The following ANK2 variants were observed in gnomAD, a reference collection of about 807,000 sequenced individuals.
The protein encoded by ANK2 is ankyrin 2, also known as ankyrin-2.
ANK2 carries 83 observed loss-of-function variants against 360.5 expected under a neutral mutation model. The ratio of observed to expected loss-of-function variants is 0.23; its 90% CI spans 0.19 to 0.28. ANK2 has a LOEUF of 0.28. ANK2 is among the 10% of genes least tolerant of loss of function. The pLI is 1.00. For missense variants in ANK2, 4,201 were observed against 4,795.7 expected (o/e 0.88, Z 3.66); for synonymous variants, 1,740 against 1,759.5 (o/e 0.99, Z 0.28).
intron 1 of ANK2, among the ~76,000 whole-genome samples, chr4:112,853,289 G>A (rs1337822065): frequency 5.3e-5 from 8 of 151,988 alleles, no homozygotes; most frequent in Admixed American, 5.2e-4. Context: ...GGATGGTCTC[G>A]ATCTCCTGAC....
At chr4:113,119,882 GTTAA>G (rs1187723968) in intron 1 of ANK2, among the ~76,000 whole-genome samples, 4 of 150,698 alleles carry the variant, frequency 2.7e-5, no homozygotes, top group African/African-American at 4.9e-5. Flanking sequence ...TAAACTTACT[GTTAA>G]TTAAAAGAAT....
intron 2 of ANK2, among the ~76,000 whole-genome samples, chr4:112,957,853 GCA>G (rs1240403510): frequency 6.7e-6 from 1 of 150,260 alleles, no homozygotes; most frequent in Non-Finnish European, 1.5e-5. Context: ...CGGTTGCCAG[GCA>G]GAGGGTCTCC....
intron 42 of ANK2, among the ~76,000 whole-genome samples, chr4:113,368,246 C>T (rs1009073007): frequency 6.6e-6 from 1 of 152,208 alleles, no homozygotes; most frequent in African/African-American, 2.4e-5. Flanking sequence ...ATTGCTGCAC[C>T]TCATTTGCTC....
chr4:112,906,652 T>A (rs1453328546), intron 2 of ANK2, among the ~76,000 whole-genome samples: 2 of 152,012 alleles, frequency 1.3e-5, no homozygotes, highest in Non-Finnish European at 2.9e-5. Flanking sequence ...CAGATACAGA[T>A]AGGTTTGTAG....
intron 9 of ANK2, among the ~76,000 whole-genome samples, chr4:113,244,445 T>C (rs1399558088): frequency 6.6e-6 from 1 of 152,140 alleles, no homozygotes; most frequent in East Asian, 1.9e-4. Context: ...AGCATTACCT[T>C]TGCTGGTTTC....
At chr4:112,725,972 A>T in the ANK2 span, among the ~76,000 whole-genome samples, 1 of 152,232 alleles carries the variant, frequency 6.6e-6, no homozygotes, top group African/African-American at 2.4e-5. Flanking sequence ...TATGAAGAAG[A>T]TAAAACAAGT....
chr4:113,339,083 A>G, intron 31 of ANK2, 143 bp from the exon 32 acceptor site: 5 of 702,960 alleles, frequency 7.1e-6, no homozygotes, highest in Admixed American at 6.4e-5. Context: ...ATTTTTTAGC[A>G]TGTAGATTTT....
chr4:113,315,459 TC>T (rs2082234283), intron 24 of ANK2, among the ~76,000 whole-genome samples: 1 of 152,214 alleles, frequency 6.6e-6, no homozygotes, highest in African/African-American at 2.4e-5. Context: ...ATTTTCATTT[TC>T]CCTTTGAGAC....
the ANK2 span, among the ~76,000 whole-genome samples, chr4:112,729,149 G>A: frequency 6.6e-6 from 1 of 152,056 alleles, no homozygotes; most frequent in Admixed American, 6.6e-5. Context: ...AGTGAGGCAT[G>A]TTTGCCCCAC....
intron 1 of ANK2, among the ~76,000 whole-genome samples, chr4:113,163,049 A>G (rs2097592277): frequency 6.6e-6 from 1 of 152,148 alleles, no homozygotes; most frequent in Non-Finnish European, 1.5e-5. Context: ...CAGTAATTTA[A>G]TCAAGTCAAC....
chr4:113,087,829 GATGTA>G (rs1247149465), intron 1 of ANK2, among the ~76,000 whole-genome samples: 3 of 152,092 alleles, frequency 2.0e-5, no homozygotes, highest in Non-Finnish European at 4.4e-5. Context: ...CTTTTCAGGA[GATGTA>G]ATGTATTTTG....
chr4:113,348,493 G>A (rs2095134697), intron 36 of ANK2, among the ~76,000 whole-genome samples, 185 bp downstream of exon 36: 1 of 152,110 alleles, frequency 6.6e-6, no homozygotes, highest in Admixed American at 6.6e-5. Context: ...TAAGGGAATA[G>A]TAAAGTTTCC....
At chr4:112,848,178 T>C (rs2149901096) in intron 1 of ANK2, among the ~76,000 whole-genome samples, 1 of 152,246 alleles carries the variant, frequency 6.6e-6, no homozygotes, top group East Asian at 1.9e-4. Flanking sequence ...GAGGCTGGAG[T>C]GCAGTGGCAC....
At chr4:112,995,015 A>G (rs2048078331) in intron 2 of ANK2, among the ~76,000 whole-genome samples, 1 of 152,188 alleles carries the variant, frequency 6.6e-6, no homozygotes, top group African/African-American at 2.4e-5. Context: ...ACTGATAGGC[A>G]CCTAGGTTGA....
At chr4:112,787,843 G>A in the ANK2 span, among the ~76,000 whole-genome samples, 2 of 152,148 alleles carry the variant, frequency 1.3e-5, no homozygotes, top group Non-Finnish European at 2.9e-5. Flanking sequence ...TTTGACCATA[G>A]AGTGTTCTCC....
rs1311882453 is a variant in ANK2 at position 112,938,031 on chromosome 4, TA to T, written c.21+33524del. 3.9e-5 allele frequency among the ~76,000 whole-genome samples: 6 copies of T among 152,254 alleles called. No individual in the cohort carries two copies. In the East Asian group the frequency reaches 9.7e-4, roughly 24 times the overall value. ...TTATTATACATAGTGGGCACAAAGTTAAAAAAATAAGTTGAAAAATACTATT... is the reference window on the plus strand; with the variant it reads ...TTATTATACATAGTGGGCACAAAGTTAAAAAATAAGTTGAAAAATACTATT... On this transcript the variant is annotated intron_variant, in intron 2 of 30. Coordinates refer to the ANK2 transcript ENST00000503271.
At chr4:113,016,394 G>A (rs972724844) in intron 2 of ANK2, among the ~76,000 whole-genome samples, 3 of 152,130 alleles carry the variant, frequency 2.0e-5, no homozygotes, top group Non-Finnish European at 4.4e-5. Flanking sequence ...TTGTGCCTAT[G>A]TGCCAAATAC....
intron 1 of ANK2, among the ~76,000 whole-genome samples, chr4:113,148,285 T>G (rs989938219): frequency 2.0e-5 from 3 of 152,246 alleles, no homozygotes; most frequent in Non-Finnish European, 4.4e-5. Context: ...ATTGAGATCA[T>G]GTATTTCTAT....
intron 15 of ANK2, 24 bp downstream of exon 15, chr4:113,274,673 A>G: frequency 3.7e-6 from 6 of 1,611,788 alleles, no homozygotes; most frequent in Non-Finnish European, 4.2e-6. Context: ...CATCATGAGA[A>G]CATGGACCAA....
Sources: allele counts gnomAD v4.1 joint callset (sites outside exome capture counted in the v4.1 genomes callset), GRCh38; gene constraint gnomAD v4.1.1; transcripts MANE v1.5; gene names NCBI Gene and HGNC (gene_info 2026-07-23, HGNC 2026-07-21).